The following SYT1 variants were observed in gnomAD, a reference collection of about 807,000 sequenced individuals.
The protein encoded by SYT1 is synaptotagmin-1.
SYT1 carries 8 observed loss-of-function variants against 44.8 expected under a neutral mutation model. That is an observed-to-expected ratio of 0.18 (90% CI 0.10 to 0.32). The LOEUF is 0.32. Ranked by LOEUF, SYT1 falls within the 10% of genes least tolerant of loss-of-function variation. The pLI, the probability that SYT1 is intolerant of heterozygous loss-of-function variation, is 1.00. For missense variants in SYT1, 286 were observed against 509.3 expected (o/e 0.56, Z 4.22); for synonymous variants, 154 against 188.8 (o/e 0.82, Z 1.51).
At chr12:79,179,209 G>GATATAGATATAGATAGATATAGAT (rs1872206561) in intron 3 of SYT1, among the ~76,000 whole-genome samples, 1 of 51,072 alleles carries the variant, frequency 2.0e-5, no homozygotes, top group South Asian at 5.3e-4. Context: ...TATAGATATA[G>GATATAGATATAGATAGATATAGAT]ATATAGATAT....
intron 4 of SYT1, 53 bp downstream of exon 4, chr12:79,217,738 C>A: frequency 1.3e-6 from 2 of 1,487,422 alleles, no homozygotes; most frequent in Non-Finnish European, 1.8e-6. Flanking sequence ...AAAAATACCC[C>A]ATCCATTGGA....
chr12:79,026,684 T>TATATATATATAC (rs1338785761), intron 2 of SYT1, among the ~76,000 whole-genome samples: 1 of 137,456 alleles, frequency 7.3e-6, no homozygotes, highest in Non-Finnish European at 1.6e-5. Context: ...TATATATATA[T>TATATATATATAC]ATATATATAT....
intron 3 of SYT1, among the ~76,000 whole-genome samples, chr12:79,120,064 A>AGCTCCCTG (rs1395725022): frequency 1.3e-5 from 2 of 152,266 alleles, no homozygotes; most frequent in Admixed American, 1.3e-4. Flanking sequence ...CAAGGAATTC[A>AGCTCCCTG]GCTCCCTGGC....
At chr12:79,247,800 A>T (rs1023504697) in intron 4 of SYT1, among the ~76,000 whole-genome samples, 1 of 152,214 alleles carries the variant, frequency 6.6e-6, no homozygotes, top group Non-Finnish European at 1.5e-5. Context: ...ATAAGAGTTG[A>T]AAAACAGCTT....
At chr12:78,871,502 T>G (rs367806247) in intron 1 of SYT1, among the ~76,000 whole-genome samples, 2 of 152,050 alleles carry the variant, frequency 1.3e-5, no homozygotes, top group African/African-American at 4.8e-5. Context: ...TTAGCTCCTA[T>G]GAAATACGGA....
chr12:79,350,770 A>T (rs1028073062), intron 8 of SYT1, among the ~76,000 whole-genome samples: 1 of 152,172 alleles, frequency 6.6e-6, no homozygotes. Flanking sequence ...GCATATACTT[A>T]AACCTCCAAA....
At chr12:79,349,093 G>A (rs1389980702) in intron 8 of SYT1, among the ~76,000 whole-genome samples, 1 of 147,732 alleles carries the variant, frequency 6.8e-6, no homozygotes, top group Admixed American at 6.8e-5. Context: ...AAGGGAGGAA[G>A]GAAGGACGGA....
At chr12:79,271,000 G>C (rs532329093) in intron 4 of SYT1, among the ~76,000 whole-genome samples, 1 of 152,302 alleles carries the variant, frequency 6.6e-6, no homozygotes, top group East Asian at 1.9e-4. Flanking sequence ...TAGAAAAGGG[G>C]CTCCTCCCCA....
At position 79,018,457 on chromosome 12, in the gene SYT1, C is replaced by T. The variant is rs558603638; in HGVS notation, c.-83-28840C>T. Among the ~76,000 whole-genome samples the T allele has an allele frequency of 6.6e-5, 10 of 151,894 alleles. 2 individuals carry two copies. The South Asian group carries it at 2.1e-3, about 32-fold the overall frequency. On this transcript the variant is annotated intron_variant, in intron 2 of 10. Transcript: ENST00000261205. ...TGTATACATATGTAACAAACCTGCA[C>T]GTTGTGCACATGTACCCTAAAACTT...
chr12:78,942,712 C>T (rs1443170514), intron 1 of SYT1, among the ~76,000 whole-genome samples: 14 of 152,196 alleles, frequency 9.2e-5, no homozygotes, highest in Non-Finnish European at 2.1e-4. Context: ...CTAATTAGTT[C>T]TTCTGACTTA....
intron 3 of SYT1, among the ~76,000 whole-genome samples, chr12:79,110,888 A>G (rs1042400405): frequency 6.6e-6 from 1 of 152,180 alleles, no homozygotes; most frequent in African/African-American, 2.4e-5. Context: ...TTTATAATTA[A>G]GTACCATTGC....
intron 1 of SYT1, among the ~76,000 whole-genome samples, chr12:78,939,690 C>G (rs900341919): frequency 2.0e-5 from 3 of 152,096 alleles, no homozygotes; most frequent in South Asian, 2.1e-4. Flanking sequence ...CTGCACTTAC[C>G]AAGAATATTG....
At chr12:79,414,695 A>T (rs1434498410) in intron 9 of SYT1, among the ~76,000 whole-genome samples, 1 of 152,192 alleles carries the variant, frequency 6.6e-6, no homozygotes, top group Non-Finnish European at 1.5e-5. Flanking sequence ...GATAAAAGGA[A>T]TACAATTAAT....
At chr12:78,881,384 TG>T (rs1391070774) in intron 1 of SYT1, among the ~76,000 whole-genome samples, 4 of 151,782 alleles carry the variant, frequency 2.6e-5, no homozygotes, top group Non-Finnish European at 5.9e-5. Flanking sequence ...ACATTTGTCA[TG>T]TTGTTTTAGG....
rs1439627116 is a variant in SYT1, at chr12:79,393,236, G to A, written c.928+39617G>A. On this transcript the variant is annotated intron_variant, in intron 9 of 10. Coordinates refer to ENST00000261205, the MANE Select transcript of SYT1 (RefSeq NM_005639.3). ...ACGTTTGGGTTGGCTCCAAGTCTTT[G>A]CTATGGTGAATAGTGCCAAAATAAA... The A allele has an allele frequency of 3.3e-5, 5 of 152,272 alleles. No homozygotes were observed. In the South Asian group the frequency reaches 1.0e-3, roughly 32 times the overall value. The allele number at this position is 152,272 out of a possible 1,614,324, so 9.4% of individuals were successfully genotyped here.
At chr12:79,028,770 G>A (rs895632695) in intron 2 of SYT1, among the ~76,000 whole-genome samples, 1 of 151,266 alleles carries the variant, frequency 6.6e-6, no homozygotes, top group African/African-American at 2.4e-5. Flanking sequence ...ACAATGAAAT[G>A]TATAAGTATT....
At chr12:79,147,001 C>T (rs149796077) in intron 3 of SYT1, among the ~76,000 whole-genome samples, 4,030 of 152,102 alleles carry the variant, frequency 0.026, 77 homozygotes, top group Middle Eastern at 0.068. Flanking sequence ...CCACCATGTC[C>T]GGCTAATTTT....
At chr12:79,104,700 A>G (rs1054015469) in intron 3 of SYT1, among the ~76,000 whole-genome samples, 2 of 151,850 alleles carry the variant, frequency 1.3e-5, no homozygotes, top group Admixed American at 1.3e-4. Flanking sequence ...ATACTAGATA[A>G]ATTAGGTAAG....
chr12:79,080,593 A>G (rs1387841627), intron 3 of SYT1, among the ~76,000 whole-genome samples: 1 of 152,170 alleles, frequency 6.6e-6, no homozygotes, highest in Non-Finnish European at 1.5e-5. Context: ...AATCACAAAA[A>G]GATGGTGGGG....
Sources: gnomAD v4.1 joint callset for allele counts (sites outside exome capture counted in the v4.1 genomes callset) on GRCh38, gnomAD v4.1.1 for gene constraint, MANE v1.5 for transcripts, NCBI Gene and HGNC (gene_info 2026-07-23, HGNC 2026-07-21) for gene names.